Variants in FBN2 observed in about 807,000 individuals in gnomAD.
FBN2 encodes the protein fibrillin 2.
FBN2 carries 105 observed loss-of-function variants against 355.6 expected under a neutral mutation model. The ratio of observed to expected loss-of-function variants is 0.30; its 90% CI spans 0.25 to 0.35. FBN2 has a LOEUF of 0.35. Ranked by LOEUF, FBN2 falls within the 10% of genes least tolerant of loss-of-function variation. The probability of loss-of-function intolerance (pLI) is 1.00; values close to 1 mark genes in which losing one functional copy is unlikely to be tolerated. For synonymous variants in FBN2, 1,350 were observed against 1,301.2 expected (o/e 1.04, Z -0.81); for missense variants, 3,280 against 3,758.7 (o/e 0.87, Z 3.33).
chr5:128,520,846 G>A (rs1022379192), intron 4 of FBN2, among the ~76,000 whole-genome samples: 6 of 152,050 alleles, frequency 3.9e-5, no homozygotes, highest in Non-Finnish European at 8.8e-5. Flanking sequence ...ATCTCCAGCT[G>A]AGTCCTACAT....
intron 7 of FBN2, among the ~76,000 whole-genome samples, chr5:128,437,815 TA>T (rs1164701828): frequency 3.7e-5 from 4 of 109,270 alleles, no homozygotes; most frequent in Non-Finnish European, 7.7e-5. Flanking sequence ...GATAGATAGA[TA>T]GATAGACAGA....
intron 27 of FBN2, among the ~76,000 whole-genome samples, chr5:128,336,931 G>A (rs2126900132): frequency 6.6e-6 from 1 of 152,228 alleles, no homozygotes; most frequent in East Asian, 1.9e-4. Context: ...AAGATTATAT[G>A]GCATGGGTTT....
intron 26 of FBN2, 41 bp downstream of exon 26, chr5:128,338,891 AG>A: frequency 6.2e-7 from 1 of 1,608,090 alleles, no homozygotes; most frequent in Non-Finnish European, 8.5e-7. Flanking sequence ...AGTCTGTGCT[AG>A]TATGGTTTCA....
chr5:128,339,817 A>G (rs1750951610), intron 25 of FBN2, among the ~76,000 whole-genome samples: 1 of 152,120 alleles, frequency 6.6e-6, no homozygotes, highest in Admixed American at 6.5e-5. Flanking sequence ...CAAACCCCAG[A>G]GAGACAGGCA....
At chr5:128,289,598 T>C (rs1334923686) in intron 51 of FBN2, among the ~76,000 whole-genome samples, 1 of 151,616 alleles carries the variant, frequency 6.6e-6, no homozygotes, top group African/African-American at 2.4e-5. Flanking sequence ...AATAAATAAA[T>C]AAATAAATAA....
intron 34 of FBN2, among the ~76,000 whole-genome samples, chr5:128,324,165 T>C (rs1398715068): frequency 6.6e-6 from 1 of 152,198 alleles, no homozygotes; most frequent in African/African-American, 2.4e-5. Context: ...TTATTGTGTC[T>C]ATTTGATTCT....
intron 36 of FBN2, among the ~76,000 whole-genome samples, chr5:128,315,304 T>C (rs1228321777): frequency 6.6e-6 from 1 of 152,210 alleles, no homozygotes; most frequent in Non-Finnish European, 1.5e-5. Flanking sequence ...GTTTTGAAGA[T>C]ATTCTACTCA....
chr5:128,412,024 G>T (rs1753082553), intron 7 of FBN2, among the ~76,000 whole-genome samples: 1 of 152,164 alleles, frequency 6.6e-6, no homozygotes, highest in Non-Finnish European at 1.5e-5. Flanking sequence ...ATGGGAAAAA[G>T]CAGAGTCTTA....
intron 16 of FBN2, 107 bp from the exon 17 acceptor site, chr5:128,366,537 T>C: frequency 1.6e-6 from 1 of 645,024 alleles, no homozygotes; most frequent in Non-Finnish European, 2.7e-6. Context: ...TATTTGTGCA[T>C]TAGTTTTTAA....
Position 128,395,126 on chromosome 5 carries a change from A to G in FBN2, c.1227T>C (p.Gly409=), listed in dbSNP as rs1165845389. 1 of 1,613,752 alleles carries G rather than the reference A, an allele frequency of 6.2e-7. No individual in the cohort carries two copies. The highest frequency in any genetic ancestry group is 8.5e-7 in the Non-Finnish European group (1 of 1,179,926). Residue 409 remains glycine, a synonymous_variant, in exon 9 of 65, where the codon GGT becomes GGC. Coordinates refer to ENST00000262464, the MANE Select transcript of FBN2 (RefSeq NM_001999.4). ...GACTAACAGCCAGCCACGTACCAGA[A>G]CCTCTGACAGGACAGGCTTCAGGAA... ...GTIPEACPVR[G]SEEYRRLCMD...
chr5:128,374,063 C>T (rs1282942938), intron 15 of FBN2, among the ~76,000 whole-genome samples: 1 of 151,794 alleles, frequency 6.6e-6, no homozygotes, highest in Non-Finnish European at 1.5e-5. Flanking sequence ...CTGAAATGCA[C>T]TGTGTTTAGG....
rs1389527159 is a variant in FBN2 at position 128,351,020 on chromosome 5, G to C, written c.2675-15C>G. On this transcript the variant is annotated splice_polypyrimidine_tract_variant and intron_variant, in intron 20 of 64. Transcript: ENST00000262464. ...CTTCAGGCTGTCTGAAAAGGAACAG[G>C]AAAGGTTGGGGAGCTCTTACCTCTG... 3 of 1,614,030 alleles carry C rather than the reference G, an allele frequency of 1.9e-6. No individual in the cohort carries two copies. The African/African-American group carries it at 4.0e-5, about 22-fold the overall frequency.
intron 50 of FBN2, 71 bp from the exon 51 acceptor site, chr5:128,290,018 C>A (rs1421245223): frequency 2.3e-6 from 2 of 853,496 alleles, no homozygotes; most frequent in African/African-American, 1.7e-5. Context: ...AAAGGATGAA[C>A]AATATACATG....
intron 5 of FBN2, among the ~76,000 whole-genome samples, chr5:128,508,801 A>C (rs892238802): frequency 6.6e-6 from 1 of 151,976 alleles, no homozygotes; most frequent in Non-Finnish European, 1.5e-5. Context: ...CTTCCCTTTT[A>C]TATATTGGGA....
intron 4 of FBN2, among the ~76,000 whole-genome samples, chr5:128,519,699 C>T (rs180939000): frequency 9.8e-4 from 149 of 151,560 alleles, no homozygotes; most frequent in African/African-American, 3.2e-3. Flanking sequence ...CCCTCAATTT[C>T]TGTACTACTA....
Position 128,328,385 on chromosome 5 carries a change from T to C in FBN2, c.4471+311A>G, listed in dbSNP as rs374900647. The C allele has an allele frequency of 2.7e-5, 16 of 586,570 alleles. 1 individual carries two copies. In the South Asian group the frequency reaches 3.1e-4, roughly 11 times the overall value. The allele number at this position is 586,570 out of a possible 1,614,324, so 36.3% of individuals were successfully genotyped here. ...AAGTAATGGAGCATACTTTAAAAGC[T>C]GAATAGTTTCTCCACATGTCATTCA... On this transcript the variant is annotated intron_variant, in intron 34 of 64. Coordinates refer to ENST00000262464, the MANE Select transcript of FBN2 (RefSeq NM_001999.4).
chr5:128,462,355 C>T (rs1754582030), intron 6 of FBN2, among the ~76,000 whole-genome samples: 1 of 151,954 alleles, frequency 6.6e-6, no homozygotes, highest in Admixed American at 6.6e-5. Flanking sequence ...ATTCAGGAAA[C>T]AGTCTAGGAA....
intron 64 of FBN2, 72 bp from the exon 65 acceptor site, chr5:128,259,901 TG>T: frequency 3.9e-6 from 6 of 1,530,600 alleles, no homozygotes; most frequent in Non-Finnish European, 5.4e-6. Flanking sequence ...AGAGATCAGC[TG>T]CAGGGGCTTT....
rs7718312 is a variant in FBN2 at position 128,339,956 on chromosome 5, T to G, written c.3344-895A>C. ...TGATTTAGTAAGCCCTTTGGTGACA[T>G]GAGCTGTCACCAACACCTGAGGACT... On this transcript the variant is annotated intron_variant, in intron 25 of 64. Transcript: ENST00000262464. 3.9e-5 allele frequency among the ~76,000 whole-genome samples: 6 copies of G among 152,160 alleles called. No individual in the cohort carries two copies. In the East Asian group the frequency reaches 1.2e-3, roughly 29 times the overall value.
Sources: allele counts gnomAD v4.1 joint callset (sites outside exome capture counted in the v4.1 genomes callset), GRCh38; gene constraint gnomAD v4.1.1; transcripts MANE v1.5; gene names NCBI Gene and HGNC (gene_info 2026-07-23, HGNC 2026-07-21).